The following NMB variants were observed in gnomAD, a reference collection of about 807,000 sequenced individuals.
The protein encoded by NMB is neuromedin-B.
In NMB, 12 loss-of-function variants were observed where a neutral mutation model predicts 11.7. The ratio of observed to expected loss-of-function variants is 1.03; its 90% confidence interval spans 0.66 to 1.66. The LOEUF (loss-of-function observed/expected upper bound fraction) is 1.66. NMB is among the 40% of genes most tolerant of loss of function. NMB has a pLI of 0.00. For synonymous variants in NMB, 76 were observed against 72.6 expected, an observed-to-expected ratio of 1.05 and a Z score of -0.24; for missense variants, 174 against 157.9, an observed-to-expected ratio of 1.10 and a Z score of -0.55.
intron 2 of NMB, among the ~76,000 whole-genome samples, 174 bp from the exon 3 acceptor site, chr15:84,655,583 C>G (rs986492997): frequency 6.6e-6 from 1 of 152,184 alleles, no homozygotes; most frequent in African/African-American, 2.4e-5. Flanking sequence ...CAGTAGTTTT[C>G]TCAGAACACA....
intron 2 of NMB, among the ~76,000 whole-genome samples, chr15:84,655,652 T>A (rs1285137686): frequency 6.6e-6 from 1 of 152,080 alleles, no homozygotes; most frequent in East Asian, 1.9e-4. Flanking sequence ...AAAATCCAAA[T>A]ACAGTGCTTG....
intron 2 of NMB, among the ~76,000 whole-genome samples, chr15:84,655,897 G>T (rs1447482554): frequency 2.0e-5 from 3 of 152,160 alleles, no homozygotes; most frequent in African/African-American, 7.2e-5. Flanking sequence ...TGTGCCTCAG[G>T]AAGTCAGGGA....
In NMB at chr15:84,657,258, T is replaced by G; in HGVS notation, c.248A>C (p.Gln83Pro). 6.2e-7 allele frequency: 1 copy of G among 1,609,526 alleles called. No homozygotes were observed. Among genetic ancestry groups the G allele is most frequent in the Non-Finnish European group, 8.5e-7 (1 of 1,178,126 alleles). The stretch of plus-strand genomic sequence containing the variant: ...GATTCCGAGCAGATCATGACTCAGC[T>G]GCAGTCGCTGGTCCCTCAGGGAGGT... ...PHTSLRDQRL[Q>P]LSHDLLGILL... Residue 83 changes from glutamine to proline, a missense_variant, in exon 2 of 3, where the codon CAG (glutamine) becomes CCG (proline). Around this residue, in one of 2 missense-constraint regions of NMB, gnomAD observed 168 missense variants for 138.4 expected, o/e 1.21. Transcript: ENST00000360476.
At chr15:84,657,850 C>T (rs1246282037) in intron 1 of NMB, 146 bp downstream of exon 1, 21 of 939,926 alleles carry the variant, frequency 2.2e-5, no homozygotes, top group Non-Finnish European at 3.0e-6. Context: ...GTCTCAAGTA[C>T]ATATCTATTA....
rs1324663812 is a variant in NMB at position 84,655,142 on chromosome 15, G to A, written c.*232C>T. The A allele has an allele frequency of 1.4e-5, 16 of 1,155,596 alleles. No homozygotes were observed. The highest frequency in any genetic ancestry group is 4.8e-5 in the East Asian group (2 of 41,584). The allele number at this position is 1,155,596 out of a possible 1,614,324, so 71.6% of individuals were successfully genotyped here. On this transcript the variant is annotated 3_prime_UTR_variant, in exon 3 of 3. Coordinates refer to ENST00000360476, the MANE Select transcript of NMB (RefSeq NM_021077.4). Reference sequence around the variant, plus strand: ...GAGGACCAGGCATTGTATGTAAAGAGCAAGGTTTTATTCACCAATTCAACA... The same window carrying A: ...GAGGACCAGGCATTGTATGTAAAGAACAAGGTTTTATTCACCAATTCAACA...
At position 84,657,425 on chromosome 15, in the gene NMB, C is replaced by T. The variant is rs971357604; in HGVS notation, c.158-77G>A. ...TCAGAGGAAAAGTTCCTCATCTCTCCCACGTTTCCGTTCTTGTAGCGGGAA... is the reference window on the plus strand; with the variant it reads ...TCAGAGGAAAAGTTCCTCATCTCTCTCACGTTTCCGTTCTTGTAGCGGGAA... On this transcript the variant is annotated intron_variant, in intron 1 of 2. Coordinates refer to ENST00000360476, the MANE Select transcript of NMB (RefSeq NM_021077.4). 5 of 1,309,160 alleles carry T rather than the reference C, an allele frequency of 3.8e-6. No individual in the cohort carries two copies. The African/African-American group carries it at 4.6e-5, about 12-fold the overall frequency. 81.1% of individuals were successfully genotyped at this position (1,309,160 alleles called of 1,614,324 possible).
At chr15:84,656,811 C>A (rs533661692) in intron 2 of NMB, among the ~76,000 whole-genome samples, 69 of 152,170 alleles carry the variant, frequency 4.5e-4, no homozygotes, top group African/African-American at 1.6e-3. Context: ...TTGACTAATG[C>A]AGCAGGGAAC....
At position 84,655,244 on chromosome 15, in the gene NMB, A is replaced by T. The variant is rs1191715340; in HGVS notation, c.*130T>A. ...TTCTGGTGACCCAGCCAGAAATCAC[A>T]GTAATGGAGTAACAGAGATTTGAGC... On this transcript the variant is annotated 3_prime_UTR_variant, in exon 3 of 3. Coordinates refer to ENST00000360476, the MANE Select transcript of NMB (RefSeq NM_021077.4). 4.5e-6 allele frequency: 7 copies of T among 1,563,562 alleles called. No individual in the cohort carries two copies. The highest frequency in any genetic ancestry group is 2.7e-5 in the African/African-American group (2 of 73,226).
rs751536546 is a variant in NMB, at chr15:84,657,319, G to C, written c.187C>G (p.Pro63Ala). Residue 63 changes from proline to alanine, a missense_variant, in exon 2 of 3, where the codon CCT becomes GCT. Transcript: ENST00000360476. ...GHFMGKKSLE[P>A]SSPSPLGTAP... ...GTCCCCAATGGGGATGGGCTGGAAG[G>C]CTCCAGACTCTTCTTGCCCATGAAG... 3 of 1,566,274 alleles carry C rather than the reference G, an allele frequency of 1.9e-6. No homozygotes were observed. Among genetic ancestry groups the C allele is most frequent in the South Asian group, 1.2e-5 (1 of 84,580 alleles).
intron 1 of NMB, 41 bp from the exon 2 acceptor site, chr15:84,657,389 AGG>A: frequency 7.0e-7 from 1 of 1,433,900 alleles, no homozygotes; most frequent in East Asian, 2.9e-5. Context: ...TCAAGCAGCC[AGG>A]ATCCTACCTC....
intron 1 of NMB, among the ~76,000 whole-genome samples, chr15:84,657,727 C>A (rs1258581803): frequency 6.6e-6 from 1 of 152,160 alleles, no homozygotes; most frequent in Non-Finnish European, 1.5e-5. Flanking sequence ...TTAGAAGATT[C>A]GGTTAAGTCT....
intron 2 of NMB, among the ~76,000 whole-genome samples, chr15:84,656,875 A>T (rs1210778699): frequency 1.3e-5 from 2 of 152,144 alleles, no homozygotes; most frequent in East Asian, 3.9e-4. Flanking sequence ...CTGCTCCAAA[A>T]GGCTGATGAT....
At chr15:84,656,174 G>A (rs1896779575) in intron 2 of NMB, among the ~76,000 whole-genome samples, 1 of 152,126 alleles carries the variant, frequency 6.6e-6, no homozygotes, top group Non-Finnish European at 1.5e-5. Flanking sequence ...AGGCTTTAGA[G>A]AAGTTAAGGG....
chr15:84,655,508 G>A (rs1247545283), intron 2 of NMB, 99 bp from the exon 3 acceptor site: 3 of 1,483,316 alleles, frequency 2.0e-6, no homozygotes, highest in African/African-American at 1.4e-5. Context: ...GCAGAGGTGG[G>A]CACCAGCAGG....
Position 84,657,541 on chromosome 15 carries a change from T to C in NMB, c.158-193A>G, listed in dbSNP as rs113562184. 5.7e-3 allele frequency among the ~76,000 whole-genome samples: 867 copies of C among 152,290 alleles called. 6 individuals are homozygous for C. Among genetic ancestry groups the C allele is most frequent in the Middle Eastern group, 0.017 (5 of 294 alleles). ...TGGCAAAGCCTGCTCCCTCAGCTTT[T>C]CCTGAACAGGTAGAGAGGATGGCAC... On this transcript the variant is annotated intron_variant, in intron 1 of 2. Coordinates refer to ENST00000360476, the MANE Select transcript of NMB (RefSeq NM_021077.4).
In NMB at chr15:84,658,132, G is replaced by A; in HGVS notation, c.21C>T (p.Gly7=). 6.6e-7 allele frequency: 1 copy of A among 1,512,694 alleles called. No individual in the cohort carries two copies. Among genetic ancestry groups the A allele is most frequent in the Non-Finnish European group, 8.8e-7 (1 of 1,139,762 alleles). 93.7% of individuals were successfully genotyped at this position (1,512,694 alleles called of 1,614,324 possible). Reference sequence around the variant, plus strand: ...GCAGGAGGCTGCCGAACATCCGAGCGCCCCCCGCCCGCCGGGCCATGGCTG... The same window carrying A: ...GCAGGAGGCTGCCGAACATCCGAGCACCCCCCGCCCGCCGGGCCATGGCTG... MARRAG[G]ARMFGSLLLF... is the part of the protein sequence containing the mutation. The change falls in exon 1 of 3, where the codon GGC becomes GGT. Residue 7 remains glycine (G), a synonymous_variant. Coordinates refer to ENST00000360476, the MANE Select transcript of NMB (RefSeq NM_021077.4).
Position 84,655,302 on chromosome 15 carries a change from G to A in NMB, c.*72C>T, listed in dbSNP as rs1337077834. ...TTACATCCAGATGGGGCCATCAACA[G>A]GGTCCCATTCAGCACCTTCCCTGGG... On this transcript the variant is annotated 3_prime_UTR_variant, in exon 3 of 3. Transcript: ENST00000360476. 1 of 1,612,920 alleles carries A rather than the reference G, an allele frequency of 6.2e-7. No homozygotes were observed. The highest frequency in any genetic ancestry group is 2.2e-5 in the East Asian group (1 of 44,832).
intron 1 of NMB, 27 bp from the exon 2 acceptor site, chr15:84,657,375 GA>G (rs775207202): frequency 6.2e-6 from 9 of 1,456,536 alleles, no homozygotes; most frequent in Non-Finnish European, 8.2e-6. Flanking sequence ...CAGGCACAAG[GA>G]AGTCAAGCAG....
At position 84,656,795 on chromosome 15, in the gene NMB, G is replaced by A. The variant is rs1377171494; in HGVS notation, c.330+381C>T. Among the ~76,000 whole-genome samples the A allele has an allele frequency of 2.0e-5, 3 of 152,202 alleles. No homozygotes were observed. In the East Asian group the frequency reaches 5.8e-4, roughly 29 times the overall value. ...CAAGCATACACAGGACACAGCAAAG[G>A]TGGACTTGACTAATGCAGCAGGGAA... On this transcript the variant is annotated intron_variant, in intron 2 of 2. Coordinates refer to ENST00000360476, the MANE Select transcript of NMB (RefSeq NM_021077.4).
Sources: gnomAD v4.1 joint callset for allele counts (sites outside exome capture counted in the v4.1 genomes callset) on GRCh38, gnomAD v4.1.1 for gene constraint, gnomAD v4.1.1 regional missense constraint, MANE v1.5 for transcripts, NCBI Gene and HGNC (gene_info 2026-07-23, HGNC 2026-07-21) for gene names.